The following RBFOX1 variants were observed in gnomAD, a reference collection of about 807,000 sequenced individuals.
The protein encoded by RBFOX1 is RNA binding fox-1 homolog 1, also known as RNA binding protein fox-1 homolog 1.
Under a neutral mutation model 57.7 loss-of-function variants are expected in RBFOX1, and 8 were observed. The ratio of observed to expected loss-of-function variants is 0.14; its 90% confidence interval spans 0.08 to 0.25. RBFOX1 has a LOEUF of 0.25. Among genes scored for constraint, RBFOX1 ranks in the 10% least tolerant of loss-of-function variants. RBFOX1 has a pLI of 1.00. For missense variants in RBFOX1, 611 were observed against 548.5 expected (o/e 1.11, Z -1.14); for synonymous variants, 326 against 222.4 (o/e 1.47, Z -4.15).
At chr16:6,958,028 C>T (rs12917775) in intron 3 of RBFOX1, among the ~76,000 whole-genome samples, 39,143 of 152,038 alleles carry the variant, frequency 0.26, 6,494 homozygotes, top group Middle Eastern at 0.4. Flanking sequence ...GTGAGAATAC[C>T]AGGAGGCATG....
intron 3 of RBFOX1, among the ~76,000 whole-genome samples, chr16:5,717,785 G>A (rs570092538): frequency 9.2e-5 from 14 of 152,210 alleles, no homozygotes; most frequent in East Asian, 5.8e-4. Flanking sequence ...GGTACTATTC[G>A]GAGGGCCTCC....
At position 6,802,327 on chromosome 16, in the gene RBFOX1, G is replaced by C. The variant is rs115930784; in HGVS notation, c.-16+147677G>C. Reference sequence around the variant, plus strand: ...ACAGGGTCCTGTTGTGCTTCTCTGGGAATTTCATTGCTTGGATGTTATTTG... The same window carrying C: ...ACAGGGTCCTGTTGTGCTTCTCTGGCAATTTCATTGCTTGGATGTTATTTG... On this transcript the variant is annotated intron_variant, in intron 3 of 15. Transcript: ENST00000550418. Among the ~76,000 whole-genome samples, 788 of 152,224 alleles carry C rather than the reference G, an allele frequency of 5.2e-3. 7 individuals are homozygous for C. Among genetic ancestry groups the C allele is most frequent in the African/African-American group, 0.018 (737 of 41,526 alleles).
intron 4 of RBFOX1, among the ~76,000 whole-genome samples, chr16:5,990,140 C>T (rs191549149): frequency 3.9e-5 from 6 of 152,224 alleles, no homozygotes; most frequent in African/African-American, 4.8e-5. Flanking sequence ...CATGTGCCAC[C>T]GTACCTGGGT....
intron 4 of RBFOX1, among the ~76,000 whole-genome samples, chr16:7,088,944 A>T (rs1245393697): frequency 6.6e-6 from 1 of 152,114 alleles, no homozygotes; most frequent in Non-Finnish European, 1.5e-5. Flanking sequence ...CTCTGGTTCA[A>T]CTCAGATCTA....
chr16:7,179,545 G>A (rs1379708175), intron 4 of RBFOX1, among the ~76,000 whole-genome samples: 1 of 151,960 alleles, frequency 6.6e-6, no homozygotes, highest in Non-Finnish European at 1.5e-5. Context: ...TTAGGTGTTG[G>A]CATTTCCATT....
At chr16:7,509,966 G>GGT (rs1555532071) in intron 4 of RBFOX1, among the ~76,000 whole-genome samples, 1 of 141,758 alleles carries the variant, frequency 7.1e-6, no homozygotes, top group African/African-American at 2.7e-5. Context: ...CGAGCAGTGG[G>GGT]TTTTTTTTTT....
intron 2 of RBFOX1, among the ~76,000 whole-genome samples, chr16:6,585,837 A>C (rs963009166): frequency 6.6e-6 from 1 of 152,122 alleles, no homozygotes; most frequent in Non-Finnish European, 1.5e-5. Context: ...TGTGCATTAA[A>C]ATGGATAATT....
intron 1 of RBFOX1, among the ~76,000 whole-genome samples, chr16:6,306,697 C>T (rs568197772): frequency 8.5e-5 from 13 of 152,308 alleles, no homozygotes; most frequent in African/African-American, 2.9e-4. Flanking sequence ...CAATTTTGTG[C>T]AATGCCTGTA....
chr16:5,719,026 G>A (rs1188512077), intron 3 of RBFOX1, among the ~76,000 whole-genome samples: 4 of 151,802 alleles, frequency 2.6e-5, no homozygotes, highest in African/African-American at 9.7e-5. Context: ...AGGATTGACT[G>A]AGATCATGTG....
At chr16:7,362,310 G>C (rs200550590) in intron 4 of RBFOX1, among the ~76,000 whole-genome samples, 2 of 113,020 alleles carry the variant, frequency 1.8e-5, no homozygotes, top group Non-Finnish European at 3.7e-5. Flanking sequence ...GTGTGTTTGC[G>C]TGTGTGTGTG....
intron 4 of RBFOX1, among the ~76,000 whole-genome samples, chr16:5,991,405 A>G (rs75565768): frequency 0.025 from 3,779 of 152,290 alleles, 62 homozygotes; most frequent in South Asian, 0.05. Flanking sequence ...GTGAGCACGT[A>G]GAAGGAATTA....
At chr16:5,376,187 A>T (rs974147439) in intron 1 of RBFOX1, among the ~76,000 whole-genome samples, 3 of 150,626 alleles carry the variant, frequency 2.0e-5, no homozygotes, top group African/African-American at 7.4e-5. Flanking sequence ...AAAAAAAAAA[A>T]GGTTAGTAAT....
chr16:6,743,680 C>G (rs73543690), intron 3 of RBFOX1, among the ~76,000 whole-genome samples: 37 of 151,950 alleles, frequency 2.4e-4, no homozygotes, highest in South Asian at 1.0e-3. Context: ...GAGGCTGAGG[C>G]TGCACTGGGC....
At chr16:7,637,560 G>T (rs1262168286) in intron 11 of RBFOX1, among the ~76,000 whole-genome samples, 1 of 152,126 alleles carries the variant, frequency 6.6e-6, no homozygotes, top group African/African-American at 2.4e-5. Context: ...TTAAAGTAAG[G>T]ACCTAAATTA....
At chr16:7,220,905 A>G (rs1001942894) in intron 4 of RBFOX1, among the ~76,000 whole-genome samples, 3 of 152,036 alleles carry the variant, frequency 2.0e-5, no homozygotes, top group East Asian at 1.9e-4. Context: ...GGACTGCTCT[A>G]TGGAATGGGT....
Position 6,193,344 on chromosome 16 carries a change from C to G in RBFOX1, c.-126-123651C>G, listed in dbSNP as rs181798636. ...ACAGCCCCAGTGTCCATATTCTTTA[C>G]ATATATATACATTATATATATATAT... is the stretch of plus-strand genomic sequence containing the variant. On this transcript the variant is annotated intron_variant, in intron 1 of 15. Coordinates refer to ENST00000550418, the MANE Select transcript of RBFOX1 (RefSeq NM_018723.4). 7.5e-5 allele frequency among the ~76,000 whole-genome samples: 5 copies of G among 66,720 alleles called. No homozygotes were observed. The Admixed American group carries it at 1.0e-3, about 14-fold the overall frequency. 43.8% of individuals were successfully genotyped at this position (66,720 alleles called of 152,430 possible).
In RBFOX1 at chr16:5,548,089, C is replaced by T. The variant is rs919266785; in HGVS notation, c.259-50813C>T. ...GACAGGAGAATCCCTTGAACCAGTG[C>T]GGTGGAGGTTGCAGTGAGCTGAGAT... On this transcript the variant is annotated intron_variant, in intron 2 of 2. Transcript: ENST00000585867. Among the ~76,000 whole-genome samples, 3 of 147,898 alleles carry T rather than the reference C, an allele frequency of 2.0e-5. No homozygotes were observed. In the Admixed American group the frequency reaches 2.0e-4, roughly 10 times the overall value.
At chr16:7,238,333 AAAAAT>A (rs886163168) in intron 4 of RBFOX1, among the ~76,000 whole-genome samples, 13 of 132,098 alleles carry the variant, frequency 9.8e-5, no homozygotes, top group South Asian at 2.4e-4. Flanking sequence ...ATGGTAAAAA[AAAAAT>A]AAATAAATAA....
intron 3 of RBFOX1, among the ~76,000 whole-genome samples, chr16:6,916,891 C>T (rs1161359931): frequency 1.3e-5 from 2 of 151,890 alleles, no homozygotes; most frequent in Non-Finnish European, 1.5e-5. Flanking sequence ...TCTCTGTTGC[C>T]CAGGCTAGAG....
Sources: allele counts gnomAD v4.1 joint callset (sites outside exome capture counted in the v4.1 genomes callset), GRCh38; gene constraint gnomAD v4.1.1; transcripts MANE v1.5; gene names NCBI Gene and HGNC (gene_info 2026-07-23, HGNC 2026-07-21).